Variants in FHIT observed in about 807,000 individuals in gnomAD.
FHIT encodes the protein fragile histidine triad diadenosine triphosphatase.
Under a neutral mutation model 17.9 loss-of-function variants are expected in FHIT, and 19 were observed. The ratio of observed to expected loss-of-function variants is 1.06; its 90% CI spans 0.74 to 1.56. The LOEUF is 1.56. Ranked by LOEUF, FHIT falls within the 40% of genes most tolerant of loss-of-function variation. FHIT has a pLI of 0.00. For missense variants in FHIT, 248 were observed against 189.2 expected, an observed-to-expected ratio of 1.31 and a Z score of -1.82; for synonymous variants, 81 against 69.7, an observed-to-expected ratio of 1.16 and a Z score of -0.81.
intron 5 of FHIT, among the ~76,000 whole-genome samples, chr3:60,462,066 C>G (rs193298636): frequency 1.1e-3 from 170 of 152,184 alleles, no homozygotes; most frequent in Non-Finnish European, 1.7e-3. Flanking sequence ...GAATGGGTGC[C>G]CCACAGTGAG....
intron 5 of FHIT, among the ~76,000 whole-genome samples, chr3:60,124,509 A>G (rs1015790860): frequency 1.3e-5 from 2 of 152,126 alleles, no homozygotes; most frequent in African/African-American, 4.8e-5. Context: ...CAGCTCCATT[A>G]TCCTGCATCC....
intron 5 of FHIT, among the ~76,000 whole-genome samples, chr3:60,468,501 A>C (rs866071087): frequency 2.3e-4 from 35 of 152,220 alleles, no homozygotes; most frequent in Middle Eastern, 6.8e-3. Flanking sequence ...TGAGGCTTGC[A>C]AATAACATCT....
At chr3:61,107,772 T>G (rs1009101475) in intron 2 of FHIT, among the ~76,000 whole-genome samples, 1 of 152,108 alleles carries the variant, frequency 6.6e-6, no homozygotes, top group Non-Finnish European at 1.5e-5. Context: ...TGCAGCTGCG[T>G]GGTAGAAGAA....
chr3:59,786,401 C>T (rs1699297405), intron 8 of FHIT, among the ~76,000 whole-genome samples: 1 of 152,174 alleles, frequency 6.6e-6, no homozygotes, highest in Admixed American at 6.5e-5. Context: ...AAATTTGTAG[C>T]ACTTGAAGGT....
At chr3:60,132,617 G>A (rs1428907196) in intron 5 of FHIT, among the ~76,000 whole-genome samples, 1 of 152,096 alleles carries the variant, frequency 6.6e-6, no homozygotes, top group Non-Finnish European at 1.5e-5. Context: ...AAATGGGTGA[G>A]GATATTCTGT....
At chr3:60,982,502 C>T (rs892350248) in intron 3 of FHIT, among the ~76,000 whole-genome samples, 2 of 152,204 alleles carry the variant, frequency 1.3e-5, no homozygotes, top group Non-Finnish European at 2.9e-5. Flanking sequence ...TATAATCAGC[C>T]TGGTCTGCTT....
chr3:60,921,599 T>C lies in FHIT; in HGVS notation c.-110-99588A>G, dbSNP rs905185597. 1.1e-4 allele frequency among the ~76,000 whole-genome samples: 16 copies of C among 152,198 alleles called. 1 individual carries two copies. The highest frequency in any genetic ancestry group is 2.2e-4 in the Non-Finnish European group (15 of 68,040). On this transcript the variant is annotated intron_variant, in intron 3 of 9. Transcript: ENST00000492590. ...ATAACTTTTAAAATGTCAAATCCTT[T>C]GAATATGAAATGCCATCCCCTCTCC...
At chr3:60,346,096 G>C (rs992469088) in intron 5 of FHIT, among the ~76,000 whole-genome samples, 2 of 152,210 alleles carry the variant, frequency 1.3e-5, no homozygotes, top group African/African-American at 4.8e-5. Context: ...GGCTAGGGAA[G>C]CAGAGTGTGT....
At chr3:60,683,381 A>G (rs1553697412) in intron 4 of FHIT, among the ~76,000 whole-genome samples, 2 of 152,168 alleles carry the variant, frequency 1.3e-5, no homozygotes, top group Admixed American at 1.3e-4. Flanking sequence ...TGCCACAGCC[A>G]CTTCTGCCCT....
intron 2 of FHIT, among the ~76,000 whole-genome samples, chr3:61,161,453 T>G (rs2037692649): frequency 6.6e-6 from 1 of 152,124 alleles, no homozygotes; most frequent in Non-Finnish European, 1.5e-5. Context: ...CCGCCCACCT[T>G]GGCCTCCCAA....
rs141684953 is a variant in FHIT, at chr3:60,389,816, GACTA to G, written c.103+147040_103+147043del. 4.2e-3 allele frequency among the ~76,000 whole-genome samples: 638 copies of G among 152,218 alleles called. 7 individuals are homozygous for G. Among genetic ancestry groups the G allele is most frequent in the African/African-American group, 0.014 (567 of 41,546 alleles). On this transcript the variant is annotated intron_variant, in intron 5 of 9. Transcript: ENST00000492590. ...ACACCTGTCAGAACATTTTGTGTTT[GACTA>G]ACTGTCATCTCCTTGTATCTTTCCT...
At chr3:59,833,060 T>C (rs972209660) in intron 8 of FHIT, among the ~76,000 whole-genome samples, 3 of 152,176 alleles carry the variant, frequency 2.0e-5, no homozygotes, top group Admixed American at 2.0e-4. Flanking sequence ...TCTTTTGCAA[T>C]GATATCTGAG....
intron 4 of FHIT, among the ~76,000 whole-genome samples, chr3:60,641,368 G>A (rs1244257052): frequency 1.3e-5 from 2 of 152,134 alleles, no homozygotes; most frequent in African/African-American, 4.8e-5. Flanking sequence ...AGAGGGCCCA[G>A]GAGGGTGTGA....
In FHIT at chr3:60,474,654, G is replaced by A. The variant is rs146443185; in HGVS notation, c.103+62206C>T. On this transcript the variant is annotated intron_variant, in intron 5 of 9. Transcript: ENST00000492590. Reference sequence around the variant, plus strand: ...TTTTTTTTTTTTGAGATGGAGTTTCGCTCTTATCACCCAGGCTGGAGTGCA... The same window carrying A: ...TTTTTTTTTTTTGAGATGGAGTTTCACTCTTATCACCCAGGCTGGAGTGCA... Among the ~76,000 whole-genome samples the A allele has an allele frequency of 4.2e-3, 621 of 149,506 alleles. 1 individual carries two copies. The highest frequency in any genetic ancestry group is 0.01 in the Middle Eastern group (3 of 290).
rs143788478 is a variant in FHIT, at chr3:59,818,632, A to T, written c.349-66311T>A. Among the ~76,000 whole-genome samples the T allele has an allele frequency of 5.5e-3, 839 of 152,330 alleles. 6 individuals carry two copies. The highest frequency in any genetic ancestry group is 0.019 in the African/African-American group (794 of 41,572). On this transcript the variant is annotated intron_variant, in intron 8 of 9. Coordinates refer to ENST00000492590, the MANE Select transcript of FHIT (RefSeq NM_002012.4). ...TTTACAAAAAGTAACATTTGCTTTT[A>T]TTAGATACAGCAGATCTATTTCTGT...
At chr3:60,703,557 G>T in intron 4 of FHIT, among the ~76,000 whole-genome samples, 1 of 152,020 alleles carries the variant, frequency 6.6e-6, no homozygotes, top group Non-Finnish European at 1.5e-5. Flanking sequence ...GATACAAGTT[G>T]CTATTTTTTA....
chr3:60,602,008 C>T (rs1553668938), intron 4 of FHIT, among the ~76,000 whole-genome samples: 1 of 151,988 alleles, frequency 6.6e-6, no homozygotes, highest in African/African-American at 2.4e-5. Flanking sequence ...AGAAAAAAGG[C>T]AAGGAACTTG....
intron 5 of FHIT, among the ~76,000 whole-genome samples, chr3:60,189,245 G>T (rs1279603071): frequency 2.6e-5 from 4 of 151,850 alleles, no homozygotes; most frequent in Non-Finnish European, 4.4e-5. Flanking sequence ...GGGGGTGGGG[G>T]GGAAAGAGGA....
chr3:60,031,503 T>C (rs1041663439), intron 5 of FHIT, among the ~76,000 whole-genome samples: 3 of 152,230 alleles, frequency 2.0e-5, no homozygotes, highest in African/African-American at 7.2e-5. Flanking sequence ...AATTCCATTT[T>C]TGCCACTTTT....
Sources: allele counts gnomAD v4.1 joint callset (sites outside exome capture counted in the v4.1 genomes callset), GRCh38; gene constraint gnomAD v4.1.1; transcripts MANE v1.5; gene names NCBI Gene and HGNC (gene_info 2026-07-23, HGNC 2026-07-21).